The following CHN1 variants were observed in gnomAD, a reference collection of about 807,000 sequenced individuals.
CHN1 encodes N-chimaerin.
CHN1 carries 37 observed loss-of-function variants against 59.5 expected under a neutral mutation model. That is an observed-to-expected ratio of 0.62 (90% CI 0.48 to 0.82). The LOEUF (loss-of-function observed/expected upper bound fraction) is 0.82. Among genes scored for constraint, CHN1 ranks in the 40% least tolerant of loss-of-function variants. The probability of loss-of-function intolerance (pLI) is 0.00; values close to 1 mark genes in which losing one functional copy is unlikely to be tolerated. For synonymous variants in CHN1, 206 were observed against 200.4 expected (o/e 1.03, Z -0.24); for missense variants, 469 against 571.0 (o/e 0.82, Z 1.82).
chr2:174,891,094 T>C (rs947324234), intron 5 of CHN1, among the ~76,000 whole-genome samples: 4 of 121,090 alleles, frequency 3.3e-5, no homozygotes, highest in Admixed American at 2.5e-4. Context: ...TGAGCCGAGA[T>C]AGTGCCACTG....
chr2:174,800,291 A>T lies in CHN1; in HGVS notation c.1209-4T>A. 1 of 1,431,274 alleles carries T rather than the reference A, an allele frequency of 7.0e-7. No homozygotes were observed. The highest frequency in any genetic ancestry group is 9.2e-7 in the Non-Finnish European group (1 of 1,090,408). The allele number at this position is 1,431,274 out of a possible 1,614,324, so 88.7% of individuals were successfully genotyped here. On this transcript the variant is annotated splice_polypyrimidine_tract_variant and splice_region_variant and intron_variant, in intron 12 of 12. Coordinates refer to ENST00000409900, the MANE Select transcript of CHN1 (RefSeq NM_001822.7). The stretch of plus-strand genomic sequence containing the variant: ...CTCCTTTTCGTGGAGGGTCACTCTG[A>T]AAAATGCAAGTACAGGAATAAATGA...
chr2:174,835,872 C>T (rs1042544230), intron 7 of CHN1, among the ~76,000 whole-genome samples: 5 of 152,264 alleles, frequency 3.3e-5, no homozygotes, highest in African/African-American at 1.2e-4. Flanking sequence ...TCTGTTTCTA[C>T]TAGTGGGCAG....
chr2:174,923,938 TCA>T (rs966925723), intron 3 of CHN1, among the ~76,000 whole-genome samples: 2 of 152,168 alleles, frequency 1.3e-5, no homozygotes, highest in African/African-American at 4.8e-5. Context: ...AAAATAAAAT[TCA>T]CACACCAATT....
intron 5 of CHN1, among the ~76,000 whole-genome samples, chr2:174,886,998 C>T (rs1396207703): frequency 1.3e-5 from 2 of 152,112 alleles, no homozygotes; most frequent in Non-Finnish European, 2.9e-5. Context: ...TTGGCGTTGT[C>T]CTATTTAACC....
At chr2:174,907,495 A>G (rs1031696361) in intron 5 of CHN1, among the ~76,000 whole-genome samples, 3 of 152,164 alleles carry the variant, frequency 2.0e-5, no homozygotes, top group Non-Finnish European at 2.9e-5. Flanking sequence ...ATTTAAATAA[A>G]TTGTTACATT....
At chr2:174,963,499 A>C (rs1690487387) in intron 1 of CHN1, among the ~76,000 whole-genome samples, 1 of 152,210 alleles carries the variant, frequency 6.6e-6, no homozygotes, top group Non-Finnish European at 1.5e-5. Context: ...GAGAGAACAC[A>C]GTGAAAAAGA....
chr2:174,920,077 A>G (rs987591218), intron 3 of CHN1, among the ~76,000 whole-genome samples: 8 of 152,198 alleles, frequency 5.3e-5, no homozygotes, highest in South Asian at 2.1e-4. Flanking sequence ...TTCACTTAAC[A>G]TAAGGTCCTC....
At chr2:174,839,655 T>C (rs1239660426) in intron 7 of CHN1, among the ~76,000 whole-genome samples, 3 of 151,864 alleles carry the variant, frequency 2.0e-5, no homozygotes, top group African/African-American at 7.3e-5. Flanking sequence ...CCAGGCCATA[T>C]TGCAGTGGCA....
At chr2:174,917,506 A>G (rs1688881356) in intron 4 of CHN1, among the ~76,000 whole-genome samples, 1 of 152,216 alleles carries the variant, frequency 6.6e-6, no homozygotes, top group Non-Finnish European at 1.5e-5. Context: ...AAAACTTGAC[A>G]ATATATTTAA....
intron 5 of CHN1, among the ~76,000 whole-genome samples, chr2:174,914,351 G>A (rs1688779165): frequency 1.3e-5 from 2 of 152,216 alleles, no homozygotes; most frequent in South Asian, 4.1e-4. Context: ...TGATAGGGAA[G>A]AGCCAAGAGC....
chr2:174,967,551 T>C (rs940007312), intron 1 of CHN1, among the ~76,000 whole-genome samples: 2 of 152,182 alleles, frequency 1.3e-5, no homozygotes, highest in African/African-American at 4.8e-5. Flanking sequence ...CTTAGACTTT[T>C]AACCATTCAT....
chr2:174,921,152 T>A (rs1294384253), intron 3 of CHN1: 2 of 314,064 alleles, frequency 6.4e-6, no homozygotes, highest in Non-Finnish European at 1.4e-5. Flanking sequence ...GCCTGGTTCC[T>A]AACAGGCCAC....
chr2:174,868,828 T>C (rs1441704793), intron 6 of CHN1, among the ~76,000 whole-genome samples: 1 of 152,198 alleles, frequency 6.6e-6, no homozygotes, highest in Non-Finnish European at 1.5e-5. Flanking sequence ...CTAAATGTTG[T>C]AGTGGTGTTC....
At chr2:174,954,185 A>G (rs891238862) in intron 1 of CHN1, among the ~76,000 whole-genome samples, 4 of 152,200 alleles carry the variant, frequency 2.6e-5, no homozygotes, top group Admixed American at 2.0e-4. Context: ...AAAAACATTA[A>G]GTGGGGAAAG....
chr2:174,916,930 G>A (rs137998831), intron 4 of CHN1, among the ~76,000 whole-genome samples: 3 of 152,298 alleles, frequency 2.0e-5, no homozygotes, highest in South Asian at 2.1e-4. Context: ...AGTAGCTCAC[G>A]CCTGTAATGC....
At chr2:174,958,176 A>AAGGG (rs1305355808) in intron 1 of CHN1, among the ~76,000 whole-genome samples, 2 of 116,876 alleles carry the variant, frequency 1.7e-5, no homozygotes, top group Non-Finnish European at 3.4e-5. Context: ...GGAGAGAAGG[A>AAGGG]AGGGAGGGAG....
At chr2:174,905,057 C>T (rs2105360378) in intron 5 of CHN1, among the ~76,000 whole-genome samples, 1 of 152,112 alleles carries the variant, frequency 6.6e-6, no homozygotes, top group South Asian at 2.1e-4. Context: ...ACCATAATGC[C>T]TGGAAGAGTA....
chr2:174,991,163 ACT>A (rs1559013460), intron 1 of CHN1, among the ~76,000 whole-genome samples: 1 of 152,168 alleles, frequency 6.6e-6, no homozygotes, highest in Non-Finnish European at 1.5e-5. Flanking sequence ...TAAGTGGAGG[ACT>A]AATATGTAAA....
chr2:174,870,772 T>G (rs938629422), intron 6 of CHN1, among the ~76,000 whole-genome samples: 1 of 152,212 alleles, frequency 6.6e-6, no homozygotes, highest in African/African-American at 2.4e-5. Context: ...CTCACCAAAA[T>G]AAAGACTTTG....
Sources: allele counts gnomAD v4.1 joint callset (sites outside exome capture counted in the v4.1 genomes callset), GRCh38; gene constraint gnomAD v4.1.1; transcripts MANE v1.5; gene names NCBI Gene and HGNC (gene_info 2026-07-23, HGNC 2026-07-21).